The following KIF21A variants were observed in gnomAD, a reference collection of about 807,000 sequenced individuals.
KIF21A encodes the protein kinesin-like protein KIF21A.
A neutral mutation model predicts 202.9 loss-of-function variants in KIF21A; 114 were observed. The observed-to-expected ratio is 0.56, with a 90% CI of 0.48 to 0.66. KIF21A has a LOEUF of 0.66. KIF21A is among the 30% of genes least tolerant of loss of function. KIF21A has a pLI of 0.00. For missense variants in KIF21A, 1,677 were observed against 1,994.9 expected, an observed-to-expected ratio of 0.84 and a Z score of 3.04; for synonymous variants, 667 against 670.8, an observed-to-expected ratio of 0.99 and a Z score of 0.09.
intron 1 of KIF21A, among the ~76,000 whole-genome samples, chr12:39,416,577 CAG>C (rs1341872891): frequency 6.8e-6 from 1 of 147,396 alleles, no homozygotes; most frequent in Admixed American, 6.9e-5. Flanking sequence ...GCCTGGGTGA[CAG>C]AGTGAGATCC....
chr12:39,389,632 A>T (rs1175253103), intron 1 of KIF21A, among the ~76,000 whole-genome samples: 1 of 152,246 alleles, frequency 6.6e-6, no homozygotes, highest in Non-Finnish European at 1.5e-5. Flanking sequence ...GTAATCAGAT[A>T]TCTTTTCCAT....
intron 36 of KIF21A, among the ~76,000 whole-genome samples, 181 bp from the exon 37 acceptor site, chr12:39,301,860 C>T (rs1218326199): frequency 1.3e-5 from 2 of 152,128 alleles, no homozygotes; most frequent in Non-Finnish European, 2.9e-5. Context: ...AATTTGCTTC[C>T]CAACTTGCCT....
At chr12:39,297,285 C>A (rs528729377) in intron 37 of KIF21A, among the ~76,000 whole-genome samples, 19 of 152,184 alleles carry the variant, frequency 1.2e-4, no homozygotes, top group African/African-American at 4.1e-4. Context: ...GACACATGCA[C>A]ACGTATGTTT....
intron 1 of KIF21A, among the ~76,000 whole-genome samples, chr12:39,382,913 G>A (rs112065274): frequency 0.011 from 1,705 of 152,268 alleles, 22 homozygotes; most frequent in African/African-American, 0.03. Context: ...AAAGCTAGCC[G>A]AATGTCATCC....
At chr12:39,397,886 G>C (rs1250208558) in intron 1 of KIF21A, among the ~76,000 whole-genome samples, 1 of 152,206 alleles carries the variant, frequency 6.6e-6, no homozygotes, top group Non-Finnish European at 1.5e-5. Flanking sequence ...AGAGCTTACA[G>C]ACTTAACACA....
At chr12:39,306,025 A>C (rs1389939713) in intron 34 of KIF21A, among the ~76,000 whole-genome samples, 1 of 152,206 alleles carries the variant, frequency 6.6e-6, no homozygotes, top group Non-Finnish European at 1.5e-5. Flanking sequence ...AAGACATGAA[A>C]ATGACCAGCT....
intron 14 of KIF21A, 42 bp from the exon 15 acceptor site, chr12:39,341,136 A>G: frequency 7.2e-7 from 1 of 1,379,848 alleles, no homozygotes; most frequent in South Asian, 1.2e-5. Flanking sequence ...GTGCTAGGCC[A>G]AAATATCAGA....
chr12:39,304,884 A>G lies in KIF21A; in HGVS notation c.4497T>C (p.Thr1499=). The G allele has an allele frequency of 6.2e-7, 1 of 1,610,008 alleles. No homozygotes were observed. The highest frequency in any genetic ancestry group is 8.5e-7 in the Non-Finnish European group (1 of 1,176,870). Reference sequence around the variant, plus strand: ...CTTGTCCACTGGAAATCTGATCCACAGTAAGGCACATAACAGGGCCTAGGT... The same window carrying G: ...CTTGTCCACTGGAAATCTGATCCACGGTAAGGCACATAACAGGGCCTAGGT... ...TGHLGPVMCL[T]VDQISSGQDL... is the part of the protein sequence containing the mutation. The change falls in exon 35 of 38, where the codon ACT becomes ACC. Residue 1499 remains threonine (T), a synonymous_variant. Coordinates refer to ENST00000361418, the MANE Select transcript of KIF21A (RefSeq NM_001173464.2).
chr12:39,391,756 T>TTGC (rs1951369356), intron 1 of KIF21A, among the ~76,000 whole-genome samples: 1 of 151,928 alleles, frequency 6.6e-6, no homozygotes, highest in Non-Finnish European at 1.5e-5. Context: ...GTTGTTGTTG[T>TTGC]TGAGATGGAG....
rs1335335312 is a variant in KIF21A at position 39,307,879 on chromosome 12, C to T, written c.4278-150G>A. 4.4e-6 allele frequency: 3 copies of T among 674,722 alleles called. No individual in the cohort carries two copies. In the Admixed American group the frequency reaches 6.7e-5, roughly 15 times the overall value. 41.8% of individuals were successfully genotyped at this position (674,722 alleles called of 1,614,324 possible). A position where few individuals can be genotyped will look rare whatever the true frequency, so the allele number is the denominator to read the frequency against. ...GTATACTACCTAGCACAGCACCTAACACAGAGTTGGTGCATATAAATAATT... is the reference window on the plus strand; with the variant it reads ...GTATACTACCTAGCACAGCACCTAATACAGAGTTGGTGCATATAAATAATT... On this transcript the variant is annotated intron_variant, in intron 33 of 37. Coordinates refer to ENST00000361418, the MANE Select transcript of KIF21A (RefSeq NM_001173464.2).
In KIF21A at chr12:39,416,648, CAT is replaced by C. The variant is rs1456776089; in HGVS notation, c.44+26277_44+26278del. On this transcript the variant is annotated intron_variant, in intron 1 of 37. Coordinates refer to ENST00000361418, the MANE Select transcript of KIF21A (RefSeq NM_001173464.2). ...ATATATGTGTATATATATATATGTA[CAT>C]ATATATGTGTATATATATATGTACA... 5.5e-5 allele frequency among the ~76,000 whole-genome samples: 7 copies of C among 126,398 alleles called. 1 individual carries two copies. The highest frequency in any genetic ancestry group is 1.4e-4 in the African/African-American group (4 of 28,932). The allele number at this position is 126,398 out of a possible 152,430, so 82.9% of individuals were successfully genotyped here. A position where few individuals can be genotyped will look rare whatever the true frequency, so the allele number is the denominator to read the frequency against.
intron 1 of KIF21A, among the ~76,000 whole-genome samples, chr12:39,415,159 TG>T (rs1419218480): frequency 6.6e-6 from 1 of 151,778 alleles, no homozygotes; most frequent in Non-Finnish European, 1.5e-5. Flanking sequence ...CAGTTTTTTT[TG>T]TTTTGTTTTG....
chr12:39,366,602 C>T, intron 5 of KIF21A, 85 bp from the exon 6 acceptor site: 1 of 914,028 alleles, frequency 1.1e-6, no homozygotes, highest in Non-Finnish European at 1.7e-6. Context: ...ATCCCATGTA[C>T]ACATATAGGC....
chr12:39,314,518 T>A (rs987175608), intron 31 of KIF21A, among the ~76,000 whole-genome samples: 4 of 151,798 alleles, frequency 2.6e-5, no homozygotes, highest in Admixed American at 2.0e-4. Context: ...AAAATATATA[T>A]GTATATATAG....
At chr12:39,428,209 A>T in intron 1 of KIF21A, among the ~76,000 whole-genome samples, 1 of 152,224 alleles carries the variant, frequency 6.6e-6, no homozygotes, top group East Asian at 1.9e-4. Context: ...TGTCTACCAC[A>T]AATATTCTAG....
intron 1 of KIF21A, among the ~76,000 whole-genome samples, chr12:39,418,198 A>G (rs1176742351): frequency 6.6e-6 from 1 of 152,126 alleles, no homozygotes; most frequent in African/African-American, 2.4e-5. Context: ...TGACTAAAAA[A>G]AAAAAAAAAG....
At chr12:39,432,537 T>A (rs1407960065) in intron 1 of KIF21A, among the ~76,000 whole-genome samples, 17 of 152,184 alleles carry the variant, frequency 1.1e-4, no homozygotes, top group Admixed American at 1.1e-3. Context: ...TTGTACTGAG[T>A]TATTGAAATA....
chr12:39,384,275 G>A (rs1950800489), intron 1 of KIF21A, among the ~76,000 whole-genome samples: 1 of 152,124 alleles, frequency 6.6e-6, no homozygotes, highest in South Asian at 2.1e-4. Context: ...TAAAAGAGCT[G>A]TCTTAACATT....
At chr12:39,325,702 A>C in intron 26 of KIF21A, 137 bp downstream of exon 26, 1 of 662,180 alleles carries the variant, frequency 1.5e-6, no homozygotes, top group South Asian at 1.9e-5. Flanking sequence ...GATTAAAAAA[A>C]CTAAATAAAG....
Sources: allele counts gnomAD v4.1 joint callset (sites outside exome capture counted in the v4.1 genomes callset), GRCh38; gene constraint gnomAD v4.1.1; transcripts MANE v1.5; gene names NCBI Gene and HGNC (gene_info 2026-07-23, HGNC 2026-07-21).